Variants in ENTPD4 observed in about 807,000 individuals in gnomAD.
ENTPD4 encodes the protein Golgi UDPase.
A neutral mutation model predicts 79.1 loss-of-function variants in ENTPD4; 60 were observed. That is an observed-to-expected ratio of 0.76 (90% CI 0.62 to 0.94). ENTPD4 has a LOEUF of 0.94. ENTPD4 is among the 40% of genes least tolerant of loss of function. The pLI is 0.00. For missense variants in ENTPD4, 772 were observed against 775.1 expected, an observed-to-expected ratio of 1.00 and a Z score of 0.05; for synonymous variants, 276 against 292.0, an observed-to-expected ratio of 0.95 and a Z score of 0.56.
chr8:23,439,403 G>A (rs17088182), intron 9 of ENTPD4, among the ~76,000 whole-genome samples: 1 of 152,010 alleles, frequency 6.6e-6, no homozygotes, highest in Non-Finnish European at 1.5e-5. Context: ...AGGACACCAC[G>A]AGTGCTCCAG....
chr8:23,440,189 C>T (rs939506853), intron 8 of ENTPD4: 7 of 323,678 alleles, frequency 2.2e-5, no homozygotes, highest in African/African-American at 1.3e-4. Flanking sequence ...TTCTGGAATC[C>T]TATGCTGTGG....
At position 23,430,821 on chromosome 8, in the gene ENTPD4, G is replaced by A. The variant is rs2117268688; in HGVS notation, c.*2105C>T. The A allele has an allele frequency of 1.0e-6, 1 of 985,506 alleles. No homozygotes were observed. Among genetic ancestry groups the A allele is most frequent in the South Asian group, 4.7e-5 (1 of 21,272 alleles). 61.0% of individuals were successfully genotyped at this position (985,506 alleles called of 1,614,324 possible). The stretch of plus-strand genomic sequence containing the variant: ...TGCTGCTGACACCAGTGGCTCCATC[G>A]CCAGCTCCCTGCAGCCTCCACCAAT... On this transcript the variant is annotated 3_prime_UTR_variant, in exon 13 of 13. Transcript: ENST00000358689.
chr8:23,437,529 C>T (rs542569639), intron 9 of ENTPD4, among the ~76,000 whole-genome samples: 68 of 152,332 alleles, frequency 4.5e-4, no homozygotes, highest in African/African-American at 1.6e-3. Context: ...ATCCTGGCAA[C>T]AAGGCCTGAT....
At chr8:23,443,252 C>G (rs1800705328) in intron 6 of ENTPD4, among the ~76,000 whole-genome samples, 1 of 152,062 alleles carries the variant, frequency 6.6e-6, no homozygotes, top group African/African-American at 2.4e-5. Flanking sequence ...CCTCATAGAA[C>G]AGCTAACTGT....
chr8:23,455,008 T>G (rs187163611), intron 1 of ENTPD4, among the ~76,000 whole-genome samples: 2 of 152,344 alleles, frequency 1.3e-5, no homozygotes, highest in African/African-American at 4.8e-5. Context: ...CTAAATTGTG[T>G]TAGACCTATC....
At position 23,441,519 on chromosome 8, in the gene ENTPD4, C is replaced by T. The variant is rs900094317; in HGVS notation, c.882+50G>A. 1.6e-5 allele frequency: 25 copies of T among 1,600,026 alleles called. No homozygotes were observed. In the African/African-American group the frequency reaches 1.7e-4, roughly 11 times the overall value. On this transcript the variant is annotated intron_variant, in intron 8 of 12. Transcript: ENST00000358689. ...AAACAAAACAAGAACGATGGACACA[C>T]GTTAAATGAAAACCAAACCAAACAG... is the stretch of plus-strand genomic sequence containing the variant.
chr8:23,434,629 A>G lies in ENTPD4; in HGVS notation c.1461-151T>C, dbSNP rs1800523860. 2.1e-6 allele frequency: 3 copies of G among 1,452,260 alleles called. No homozygotes were observed. The Admixed American group carries it at 8.1e-5, about 39-fold the overall frequency. 90.0% of individuals were successfully genotyped at this position (1,452,260 alleles called of 1,614,324 possible). A position where few individuals can be genotyped will look rare whatever the true frequency, so the allele number is the denominator to read the frequency against. ...CTCCCAAACCAACTGCGCGCGTTTC[A>G]AGGTTGATGTACTTGCTTCACATCC... On this transcript the variant is annotated intron_variant, in intron 11 of 12. Transcript: ENST00000358689.
chr8:23,441,612 G>A lies in ENTPD4; in HGVS notation c.839C>T (p.Ala280Val), dbSNP rs1466359642. 1.2e-6 allele frequency: 2 copies of A among 1,614,184 alleles called. No homozygotes were observed. Among genetic ancestry groups the A allele is most frequent in the Admixed American group, 1.7e-5 (1 of 60,028 alleles). ...GCTTACAGTTTTGGGGACTTCGTAC[G>A]CTATCTGAGTCGACACGCCGCCCAT... ...LDMGGVSTQI[A>V]YEVPKTVSFA... Residue 280 changes from alanine (A) to valine (V), a missense_variant, in exon 8 of 13, where the codon GCG (alanine) becomes GTG (valine). Ala to Val is a moderately conservative substitution (Grantham distance 64). Coordinates refer to ENST00000358689, the MANE Select transcript of ENTPD4 (RefSeq NM_004901.5).
rs1182984849 is a variant in ENTPD4 at position 23,430,500 on chromosome 8, G to C, written c.*2426C>G. Reference sequence around the variant, plus strand: ...TTTTGAACTGCATTGTTCTCACAAGGACCAGCAAACTTTTTCTGTAAATAT... The same window carrying C: ...TTTTGAACTGCATTGTTCTCACAAGCACCAGCAAACTTTTTCTGTAAATAT... On this transcript the variant is annotated 3_prime_UTR_variant, in exon 13 of 13. Transcript: ENST00000358689. 27 of 985,218 alleles carry C rather than the reference G, an allele frequency of 2.7e-5. No individual in the cohort carries two copies. Among genetic ancestry groups the C allele is most frequent in the Non-Finnish European group, 3.6e-6 (3 of 829,898 alleles). The allele number at this position is 985,218 out of a possible 1,614,324, so 61.0% of individuals were successfully genotyped here. A position where few individuals can be genotyped will look rare whatever the true frequency, so the allele number is the denominator to read the frequency against.
rs1411752578 is a variant in ENTPD4 at position 23,431,944 on chromosome 8, G to C, written c.*982C>G. The C allele has an allele frequency of 1.0e-6, 1 of 985,398 alleles. No individual in the cohort carries two copies. Among genetic ancestry groups the C allele is most frequent in the African/African-American group, 1.7e-5 (1 of 57,348 alleles). The allele number at this position is 985,398 out of a possible 1,614,324, so 61.0% of individuals were successfully genotyped here. On this transcript the variant is annotated 3_prime_UTR_variant, in exon 13 of 13. Coordinates refer to ENST00000358689, the MANE Select transcript of ENTPD4 (RefSeq NM_004901.5). ...GGATTTTTCTAAATAAAATGTACCA[G>C]TAAATTCTGAAGTGTGTGTTTTTAA...
At position 23,433,185 on chromosome 8, in the gene ENTPD4, G is replaced by C. The variant is rs767329862; in HGVS notation, c.1623-31C>G. The C allele has an allele frequency of 3.8e-6, 6 of 1,598,548 alleles. No individual in the cohort carries two copies. In the African/African-American group the frequency reaches 8.0e-5, roughly 21 times the overall value. On this transcript the variant is annotated intron_variant, in intron 12 of 12. Transcript: ENST00000358689. The stretch of plus-strand genomic sequence containing the variant: ...CATGTGAACACCAAACAACAAACAG[G>C]ACAGTAAGCAAGGAAAGGGGTGGAA...
At chr8:23,443,821 A>G in intron 6 of ENTPD4, 29 bp downstream of exon 6, 1 of 1,432,404 alleles carries the variant, frequency 7.0e-7, no homozygotes, top group Non-Finnish European at 9.8e-7. Flanking sequence ...CAGCTTCCCA[A>G]ATTTTAAACT....
At position 23,439,920 on chromosome 8, in the gene ENTPD4, A is replaced by G. The variant is rs748318242; in HGVS notation, c.883-5T>C. On this transcript the variant is annotated splice_polypyrimidine_tract_variant and splice_region_variant and intron_variant, in intron 8 of 12. Transcript: ENST00000358689. ...CAAGTTTTTAGCTACTTCTTCCTGC[A>G]GACATAAGCATAACAAACCTTAATA... 1 of 1,613,488 alleles carries G rather than the reference A, an allele frequency of 6.2e-7. No homozygotes were observed. Among genetic ancestry groups the G allele is most frequent in the South Asian group, 1.1e-5 (1 of 91,054 alleles).
chr8:23,437,280 C>T, intron 9 of ENTPD4, 22 bp from the exon 10 acceptor site: 7 of 1,535,354 alleles, frequency 4.6e-6, no homozygotes, highest in Non-Finnish European at 6.1e-6. Flanking sequence ...CAAGAAACTT[C>T]ATCGTGAGTC....
At position 23,449,936 on chromosome 8, in the gene ENTPD4, T is replaced by C. The variant is rs199814041; in HGVS notation, c.-36A>G. ...CAGCAACAAGGCAATGCTCTGGGATTCAGTCCTTCTCACAAACAATTATAG... is the reference window on the plus strand; with the variant it reads ...CAGCAACAAGGCAATGCTCTGGGATCCAGTCCTTCTCACAAACAATTATAG... On this transcript the variant is annotated 5_prime_UTR_variant, in exon 2 of 13. Transcript: ENST00000358689. 9.9e-6 allele frequency: 16 copies of C among 1,614,000 alleles called. No individual in the cohort carries two copies. Among genetic ancestry groups the C allele is most frequent in the Non-Finnish European group, 1.4e-5 (16 of 1,179,846 alleles).
In ENTPD4 at chr8:23,452,204, C is replaced by T. The variant is rs1365512612; in HGVS notation, c.-97-2207G>A. On this transcript the variant is annotated intron_variant, in intron 1 of 12. Coordinates refer to ENST00000358689, the MANE Select transcript of ENTPD4 (RefSeq NM_004901.5). ...TGTCTCTTCCCCCAGAATGGGAGCTCCCCCAGGCCCAGGTTTTGGTCTGCT... is the reference window on the plus strand; with the variant it reads ...TGTCTCTTCCCCCAGAATGGGAGCTTCCCCAGGCCCAGGTTTTGGTCTGCT... Among the ~76,000 whole-genome samples, 5 of 152,306 alleles carry T rather than the reference C, an allele frequency of 3.3e-5. No individual in the cohort carries two copies. The East Asian group carries it at 7.7e-4, about 24-fold the overall frequency.
chr8:23,457,395 G>C (rs1038317232), intron 1 of ENTPD4, among the ~76,000 whole-genome samples, 162 bp downstream of exon 1: 32 of 75,352 alleles, frequency 4.2e-4, no homozygotes, highest in Non-Finnish European at 7.6e-4. Flanking sequence ...CAGGGGAGGC[G>C]GGAACCGGTC....
chr8:23,452,696 CCTAGG>C (rs1800886680), intron 1 of ENTPD4, among the ~76,000 whole-genome samples: 1 of 152,140 alleles, frequency 6.6e-6, no homozygotes, highest in African/African-American at 2.4e-5. Context: ...TCCTACGTAC[CCTAGG>C]CTCCAGCCAC....
chr8:23,441,680 G>A lies in ENTPD4; in HGVS notation c.771C>T (p.Ser257=). ...TCCTTTTACGGACAATGGCTTCGCT[G>A]CTTTCACTTCCAGGAATGTTAACTT... The part of the protein sequence containing the change: ...VVEVNIPGSE[S]SEAIVRKRTA... The change falls in exon 8 of 13, where the codon AGC becomes AGT. Residue 257 remains serine (S), a synonymous_variant. Transcript: ENST00000358689. The A allele has an allele frequency of 1.2e-6, 2 of 1,614,120 alleles. No homozygotes were observed. Among genetic ancestry groups the A allele is most frequent in the South Asian group, 1.1e-5 (1 of 91,086 alleles).
Sources: allele counts gnomAD v4.1 joint callset (sites outside exome capture counted in the v4.1 genomes callset), GRCh38; gene constraint gnomAD v4.1.1; transcripts MANE v1.5; gene names NCBI Gene and HGNC (gene_info 2026-07-23, HGNC 2026-07-21).